ADK: variants seen among roughly 807,000 people sequenced by gnomAD.
ADK encodes N6,N6-dimethyladenosine kinase.
ADK carries 24 observed loss-of-function variants against 44.7 expected under a neutral mutation model. The ratio of observed to expected loss-of-function variants is 0.54; its 90% CI spans 0.39 to 0.76. ADK has a LOEUF of 0.76. ADK is among the 30% of genes least tolerant of loss of function. ADK has a pLI of 0.00. For missense variants in ADK, 321 were observed against 425.1 expected (o/e 0.76, Z 2.15); for synonymous variants, 128 against 142.6 (o/e 0.90, Z 0.73).
chr10:74,170,472 C>G (rs1436524938), intron 1 of ADK, among the ~76,000 whole-genome samples: 1 of 151,808 alleles, frequency 6.6e-6, no homozygotes, highest in Admixed American at 6.6e-5. Flanking sequence ...TCAAAAAGGG[C>G]AGGAGTAAGT....
intron 7 of ADK, among the ~76,000 whole-genome samples, chr10:74,542,575 G>A (rs1006265941): frequency 1.2e-4 from 18 of 151,882 alleles, no homozygotes; most frequent in Admixed American, 9.8e-4. Flanking sequence ...ATATGAAAAG[G>A]TTTACTCAGT....
intron 9 of ADK, among the ~76,000 whole-genome samples, chr10:74,615,630 T>A (rs745756662): frequency 1.5e-4 from 23 of 152,308 alleles, no homozygotes; most frequent in Non-Finnish European, 3.1e-4. Flanking sequence ...ATGATTTTGA[T>A]TGGAATTTTT....
Position 74,521,267 on chromosome 10 carries a change from T to G in ADK, c.556-3989T>G, listed in dbSNP as rs763869598. ...TCAAAAATAGAATTTAAATAGTGAATTTGCCTTTTATTTAAAAGTTGACAA... is the reference window on the plus strand; with the variant it reads ...TCAAAAATAGAATTTAAATAGTGAAGTTGCCTTTTATTTAAAAGTTGACAA... On this transcript the variant is annotated intron_variant, in intron 6 of 10. Transcript: ENST00000539909. Among the ~76,000 whole-genome samples the G allele has an allele frequency of 9.2e-5, 14 of 152,166 alleles. 1 individual carries two copies. The highest frequency in any genetic ancestry group is 5.9e-4 in the Admixed American group (9 of 15,270).
chr10:74,277,435 C>T (rs1054407564), intron 3 of ADK, among the ~76,000 whole-genome samples: 25 of 151,672 alleles, frequency 1.6e-4, no homozygotes, highest in Admixed American at 2.0e-4. Context: ...CTCACTCTGT[C>T]GCCCAGGCTG....
intron 6 of ADK, among the ~76,000 whole-genome samples, chr10:74,436,478 C>CAA (rs34848555): frequency 2.8e-5 from 4 of 140,502 alleles, no homozygotes; most frequent in Admixed American, 1.4e-4. Flanking sequence ...TTACTGTCTC[C>CAA]AAAAAAAAAA....
At chr10:74,381,936 G>A (rs1278273878) in intron 4 of ADK, among the ~76,000 whole-genome samples, 1 of 152,118 alleles carries the variant, frequency 6.6e-6, no homozygotes, top group Non-Finnish European at 1.5e-5. Flanking sequence ...ACTAGAAAAA[G>A]TAAAGGAGAA....
intron 6 of ADK, among the ~76,000 whole-genome samples, chr10:74,505,245 G>T (rs1848022978): frequency 6.6e-6 from 1 of 152,096 alleles, no homozygotes; most frequent in South Asian, 2.1e-4. Flanking sequence ...TCCACCTTTT[G>T]CTTTTGGTTC....
chr10:74,222,610 C>T (rs1844358334), intron 2 of ADK, among the ~76,000 whole-genome samples: 1 of 152,030 alleles, frequency 6.6e-6, no homozygotes, highest in African/African-American at 2.4e-5. Flanking sequence ...TGGAACCAAC[C>T]CAAATGTCCA....
At chr10:74,511,360 C>T (rs1215719891) in intron 6 of ADK, among the ~76,000 whole-genome samples, 1 of 152,084 alleles carries the variant, frequency 6.6e-6, no homozygotes, top group Non-Finnish European at 1.5e-5. Flanking sequence ...TCTATGTTTC[C>T]ATACAAATTT....
intron 6 of ADK, among the ~76,000 whole-genome samples, chr10:74,433,963 A>C (rs1367668328): frequency 6.6e-6 from 1 of 152,196 alleles, no homozygotes; most frequent in Non-Finnish European, 1.5e-5. Context: ...GTTGAGGCTG[A>C]TATAAGTAAG....
chr10:74,245,432 C>T (rs1845379108), intron 3 of ADK, among the ~76,000 whole-genome samples: 1 of 152,070 alleles, frequency 6.6e-6, no homozygotes, highest in East Asian at 1.9e-4. Flanking sequence ...CCTACAAAAA[C>T]ATAAAGTTCT....
intron 4 of ADK, among the ~76,000 whole-genome samples, chr10:74,352,216 C>T (rs1335671157): frequency 1.3e-5 from 2 of 152,046 alleles, no homozygotes; most frequent in African/African-American, 2.4e-5. Context: ...GGTACTGGTA[C>T]CAAAACAGAT....
At chr10:74,205,806 T>A (rs1209192684) in intron 2 of ADK, among the ~76,000 whole-genome samples, 1 of 151,782 alleles carries the variant, frequency 6.6e-6, no homozygotes, top group Non-Finnish European at 1.5e-5. Context: ...AAATCTAATA[T>A]CTATTCCTGA....
chr10:74,500,248 T>C (rs552797592), intron 6 of ADK, among the ~76,000 whole-genome samples: 1 of 152,304 alleles, frequency 6.6e-6, no homozygotes, highest in Non-Finnish European at 1.5e-5. Flanking sequence ...TGCAATACAG[T>C]GTTCTGTATT....
intron 6 of ADK, among the ~76,000 whole-genome samples, chr10:74,501,386 A>G (rs1004847486): frequency 6.6e-6 from 1 of 152,196 alleles, no homozygotes; most frequent in African/African-American, 2.4e-5. Flanking sequence ...TTTCGTGTTT[A>G]TAAAATTTCC....
At chr10:74,336,031 GT>G (rs1841398831) in intron 4 of ADK, among the ~76,000 whole-genome samples, 1 of 151,982 alleles carries the variant, frequency 6.6e-6, no homozygotes, top group Non-Finnish European at 1.5e-5. Context: ...ACAAATTTAT[GT>G]ACTTTTAAAA....
At chr10:74,368,996 G>A (rs891281692) in intron 4 of ADK, among the ~76,000 whole-genome samples, 5 of 152,004 alleles carry the variant, frequency 3.3e-5, no homozygotes, top group Non-Finnish European at 5.9e-5. Flanking sequence ...TTTTCTCCAG[G>A]GTGTTGGTAA....
intron 3 of ADK, among the ~76,000 whole-genome samples, chr10:74,261,333 A>G (rs772023805): frequency 4.5e-4 from 68 of 152,086 alleles, no homozygotes; most frequent in Non-Finnish European, 4.7e-4. Flanking sequence ...TGTTTATCAT[A>G]GGTTCGAAAC....
intron 1 of ADK, among the ~76,000 whole-genome samples, chr10:74,152,645 A>G (rs1591782427): frequency 6.6e-6 from 1 of 152,262 alleles, no homozygotes; most frequent in East Asian, 1.9e-4. Context: ...TATAATGCTG[A>G]TCCATTTTCA....
Sources: allele counts gnomAD v4.1 joint callset (sites outside exome capture counted in the v4.1 genomes callset), GRCh38; gene constraint gnomAD v4.1.1; transcripts MANE v1.5; gene names NCBI Gene and HGNC (gene_info 2026-07-23, HGNC 2026-07-21).